The following ARVCF variants were observed in gnomAD, a reference collection of about 807,000 sequenced individuals.
ARVCF encodes splicing regulator ARVCF.
A neutral mutation model predicts 90.9 loss-of-function variants in ARVCF; 66 were observed. The ratio of observed to expected loss-of-function variants is 0.73; its 90% confidence interval spans 0.60 to 0.89. ARVCF has a LOEUF of 0.89. Ranked by LOEUF, ARVCF falls within the 40% of genes least tolerant of loss-of-function variation. The probability of loss-of-function intolerance (pLI) is 0.00; values close to 1 mark genes in which losing one functional copy is unlikely to be tolerated. For missense variants in ARVCF, 1,469 were observed against 1,382.3 expected, an observed-to-expected ratio of 1.06 and a Z score of -1.00; for synonymous variants, 653 against 603.4, an observed-to-expected ratio of 1.08 and a Z score of -1.21.
At chr22:19,990,900 T>C in intron 2 of ARVCF, 88 bp from the exon 3 acceptor site, 1 of 1,297,786 alleles carries the variant, frequency 7.7e-7, no homozygotes, top group Non-Finnish European at 1.1e-6. Flanking sequence ...TCACAGACCA[T>C]ACAACTCACT....
At position 19,972,635 on chromosome 22, in the gene ARVCF, C is replaced by T. The variant is rs1021390839; in HGVS notation, c.2641+102G>A. On this transcript the variant is annotated intron_variant, in intron 16 of 19. Transcript: ENST00000263207. ...AGGGAAAGTGGCCTATGGAAGCCGT[C>T]TCAGTGGGAGGCCTGACTCCTCCTT... 5 of 1,327,240 alleles carry T rather than the reference C, an allele frequency of 3.8e-6. No individual in the cohort carries two copies. The African/African-American group carries it at 7.4e-5, about 20-fold the overall frequency. 82.2% of individuals were successfully genotyped at this position (1,327,240 alleles called of 1,614,324 possible).
downstream of ARVCF, chr22:19,966,965 C>T: frequency 1.0e-6 from 1 of 985,452 alleles, no homozygotes; most frequent in Non-Finnish European, 1.2e-6. Context: ...TGCTCAGACG[C>T]TGATGCATGT....
At chr22:19,977,641 T>C in intron 8 of ARVCF, 55 bp from the exon 9 acceptor site, 1 of 1,476,334 alleles carries the variant, frequency 6.8e-7, no homozygotes, top group Non-Finnish European at 9.0e-7. Flanking sequence ...GGGCTGGCCC[T>C]CAGGAAAGAC....
At chr22:19,979,516 T>C (rs1321593329) in intron 6 of ARVCF, 2 of 672,160 alleles carry the variant, frequency 3.0e-6, no homozygotes, top group African/African-American at 1.8e-5. Flanking sequence ...TGAGGGGACA[T>C]GCCCGAGGGG....
At chr22:19,989,434 A>G in intron 3 of ARVCF, among the ~76,000 whole-genome samples, 1 of 152,108 alleles carries the variant, frequency 6.6e-6, no homozygotes, top group Non-Finnish European at 1.5e-5. Flanking sequence ...CACCAACCCC[A>G]GGTCCCTCGG....
chr22:19,970,478 GCAGCCC>G lies in ARVCF; in HGVS notation c.*272_*277del. 1 of 1,101,132 alleles carries G rather than the reference GCAGCCC, an allele frequency of 9.1e-7. No individual in the cohort carries two copies. 68.2% of individuals were successfully genotyped at this position (1,101,132 alleles called of 1,614,324 possible). A position where few individuals can be genotyped will look rare whatever the true frequency, so the allele number is the denominator to read the frequency against. On this transcript the variant is annotated 3_prime_UTR_variant, in exon 20 of 20. Coordinates refer to ENST00000263207, the MANE Select transcript of ARVCF (RefSeq NM_001670.3). ...TGCCACCTCCCTGGGCCCTGCCCCA[GCAGCCC>G]AGTCGGCCTCCTCGGGCCTTCTGTC... is the stretch of plus-strand genomic sequence containing the variant.
At chr22:19,967,306 G>T, downstream of ARVCF, 1 of 980,620 alleles carries the variant, frequency 1.0e-6, no homozygotes, top group Non-Finnish European at 1.4e-6. Flanking sequence ...CAGACTGGAA[G>T]GCAGCCGCCC....
intron 19 of ARVCF, among the ~76,000 whole-genome samples, 158 bp downstream of exon 19, chr22:19,971,058 G>A (rs72554699): frequency 3.9e-5 from 6 of 152,282 alleles, no homozygotes; most frequent in Non-Finnish European, 8.8e-5. Context: ...CCTCTGCCTG[G>A]TCTTTCCGGG....
rs565155218 is a variant in ARVCF, at chr22:19,981,654, G to A, written c.453C>T (p.Gly151=). The part of the protein sequence containing the change: ...VGPDGLPLLD[G]GPPLGPFADG... ...CTGCAAAAGGGCCTAGTGGGGGGCC[G>A]CCATCCAGCAGGGGGAGTCCATCTG... The change falls in exon 5 of 20, where the codon GGC becomes GGT. Residue 151 remains glycine (G), a synonymous_variant. Coordinates refer to ENST00000263207, the MANE Select transcript of ARVCF (RefSeq NM_001670.3). The A allele has an allele frequency of 1.8e-4, 283 of 1,609,118 alleles. 2 individuals carry two copies. In the South Asian group the frequency reaches 2.6e-3, roughly 15 times the overall value.
chr22:19,974,872 G>C (rs1943063514), intron 11 of ARVCF, among the ~76,000 whole-genome samples: 1 of 152,170 alleles, frequency 6.6e-6, no homozygotes, highest in East Asian at 1.9e-4. Context: ...GCGCCGTCCT[G>C]CTGCTCTGCC....
intron 2 of ARVCF, among the ~76,000 whole-genome samples, chr22:19,999,237 C>G (rs550819371): frequency 6.6e-6 from 1 of 152,188 alleles, no homozygotes; most frequent in Non-Finnish European, 1.5e-5. Context: ...CATGTGGGCG[C>G]CCTGCCTAGA....
At chr22:19,979,510 G>A (rs72556510) in intron 6 of ARVCF, 12,670 of 647,134 alleles carry the variant, frequency 0.02, 1,069 homozygotes, top group African/African-American at 0.2. Flanking sequence ...AGGAGGTGAG[G>A]GGACATGCCC....
At chr22:19,976,350 G>C (rs1943151070) in intron 10 of ARVCF, among the ~76,000 whole-genome samples, 1 of 152,218 alleles carries the variant, frequency 6.6e-6, no homozygotes, top group Non-Finnish European at 1.5e-5. Context: ...GAAGGCAGCA[G>C]AGTGGAGCCA....
intron 2 of ARVCF, among the ~76,000 whole-genome samples, chr22:20,008,279 G>A (rs1944705481): frequency 6.6e-6 from 1 of 152,200 alleles, no homozygotes; most frequent in African/African-American, 2.4e-5. Flanking sequence ...AGGAGGCCAG[G>A]CTGGTGCTGG....
At position 19,981,867 on chromosome 22, in the gene ARVCF, C is replaced by T. The variant is rs923309318; in HGVS notation, c.369+66G>A. The T allele has an allele frequency of 2.1e-5, 34 of 1,586,638 alleles. No homozygotes were observed. The African/African-American group carries it at 4.2e-4, about 19-fold the overall frequency. On this transcript the variant is annotated intron_variant, in intron 4 of 19. Transcript: ENST00000263207. Reference sequence around the variant, plus strand: ...CACGTGGCAAGCTTCCATGTCCACTCTGCAGGTGGGACAGCTGCAGCAGCC... The same window carrying T: ...CACGTGGCAAGCTTCCATGTCCACTTTGCAGGTGGGACAGCTGCAGCAGCC...
At chr22:20,005,945 A>G (rs998151245) in intron 2 of ARVCF, among the ~76,000 whole-genome samples, 1 of 152,260 alleles carries the variant, frequency 6.6e-6, no homozygotes, top group African/African-American at 2.4e-5. Flanking sequence ...TGGTATAGAT[A>G]TACAATGGAA....
At chr22:19,968,648 A>G (rs757585867), downstream of ARVCF, 1 of 1,614,060 alleles carries the variant, frequency 6.2e-7, no homozygotes, top group South Asian at 1.1e-5. Context: ...GAGTGCACAC[A>G]CTACCAATCG....
rs1048626960 is a variant in ARVCF, at chr22:19,970,689, G to T, written c.*67C>A. On this transcript the variant is annotated 3_prime_UTR_variant, in exon 20 of 20. Transcript: ENST00000263207. ...CAAGCTCCACGGCACGATCTGCTCA[G>T]GGTGGCCCTTCTTCCACGATCCAAG... is the stretch of plus-strand genomic sequence containing the variant. 12 of 1,287,778 alleles carry T rather than the reference G, an allele frequency of 9.3e-6. No individual in the cohort carries two copies. Among genetic ancestry groups the T allele is most frequent in the Non-Finnish European group, 1.2e-5 (12 of 988,302 alleles). 79.8% of individuals were successfully genotyped at this position (1,287,778 alleles called of 1,614,324 possible). A position where few individuals can be genotyped will look rare whatever the true frequency, so the allele number is the denominator to read the frequency against.
chr22:19,974,371 G>A (rs1018353539), intron 11 of ARVCF, 132 bp from the exon 12 acceptor site: 5 of 1,128,790 alleles, frequency 4.4e-6, no homozygotes, highest in Admixed American at 6.1e-5. Context: ...GATGAGTCAC[G>A]TAATATTTAC....
Sources: gnomAD v4.1 joint callset for allele counts (sites outside exome capture counted in the v4.1 genomes callset) on GRCh38, gnomAD v4.1.1 for gene constraint, MANE v1.5 for transcripts, NCBI Gene and HGNC (gene_info 2026-07-23, HGNC 2026-07-21) for gene names.